The following EPHA6 variants were observed in gnomAD, a reference collection of about 807,000 sequenced individuals.
The protein encoded by EPHA6 is EPH receptor A6.
In EPHA6, 50 loss-of-function variants were observed where a neutral mutation model predicts 112.0. That is an observed-to-expected ratio of 0.45 (90% CI 0.36 to 0.56). The LOEUF is 0.56. Ranked by LOEUF, EPHA6 falls within the 20% of genes least tolerant of loss-of-function variation. The pLI is 0.00. For missense variants in EPHA6, 1,280 were observed against 1,417.4 expected (o/e 0.90, Z 1.56); for synonymous variants, 529 against 490.7 (o/e 1.08, Z -1.03).
rs149952465 is a variant in EPHA6, at chr3:97,259,452, C to T, written c.1606+15165C>T. Among the ~76,000 whole-genome samples the T allele has an allele frequency of 6.9e-3, 1,046 of 152,228 alleles. 17 individuals are homozygous for T. Among genetic ancestry groups the T allele is most frequent in the African/African-American group, 0.024 (1,002 of 41,542 alleles). ...AGTGATGTAGGTGTATTCTTCATTT[C>T]ATCACTTAATTCTATGATGCAATAC... On this transcript the variant is annotated intron_variant, in intron 5 of 17. Coordinates refer to ENST00000389672, the MANE Select transcript of EPHA6 (RefSeq NM_001080448.3).
intron 2 of EPHA6, among the ~76,000 whole-genome samples, chr3:96,945,396 C>G (rs956743746): frequency 6.6e-6 from 1 of 152,142 alleles, no homozygotes; most frequent in South Asian, 2.1e-4. Flanking sequence ...CAGGCAAATT[C>G]CATTATCAGC....
intron 3 of EPHA6, among the ~76,000 whole-genome samples, chr3:97,047,804 A>G (rs2045562261): frequency 2.6e-5 from 4 of 152,098 alleles, no homozygotes; most frequent in Admixed American, 2.0e-4. Flanking sequence ...TGCACTAAAA[A>G]CCATATCAAG....
intron 2 of EPHA6, among the ~76,000 whole-genome samples, chr3:96,890,737 A>G (rs1161565502): frequency 6.6e-6 from 1 of 152,230 alleles, no homozygotes; most frequent in Non-Finnish European, 1.5e-5. Flanking sequence ...AGTGAGTGTG[A>G]AAATTGGTAT....
chr3:97,350,824 G>GAA (rs59867594), intron 5 of EPHA6, among the ~76,000 whole-genome samples: 3 of 150,714 alleles, frequency 2.0e-5, no homozygotes, highest in East Asian at 1.9e-4. Context: ...AAGCCCTCAA[G>GAA]AAAAAAAAAT....
At chr3:96,981,540 T>G (rs2042780845) in intron 2 of EPHA6, among the ~76,000 whole-genome samples, 2 of 152,104 alleles carry the variant, frequency 1.3e-5, no homozygotes, top group African/African-American at 4.8e-5. Context: ...TCTGCGAGGC[T>G]TTAGTATCAA....
intron 5 of EPHA6, among the ~76,000 whole-genome samples, chr3:97,346,900 T>C (rs2083560745): frequency 6.6e-6 from 1 of 152,122 alleles, no homozygotes; most frequent in Admixed American, 6.6e-5. Flanking sequence ...TATCTTCTCT[T>C]GTGCCTTTAT....
At chr3:97,274,066 C>A (rs970854398) in intron 5 of EPHA6, among the ~76,000 whole-genome samples, 1 of 151,926 alleles carries the variant, frequency 6.6e-6, no homozygotes, top group Non-Finnish European at 1.5e-5. Flanking sequence ...CAGATTTCCA[C>A]GATGGAAAGG....
chr3:97,093,932 G>C (rs1383971729), intron 3 of EPHA6, among the ~76,000 whole-genome samples: 1 of 152,064 alleles, frequency 6.6e-6, no homozygotes, highest in Non-Finnish European at 1.5e-5. Context: ...TTCTGAGATT[G>C]AAAATGGCTC....
intron 7 of EPHA6, among the ~76,000 whole-genome samples, chr3:97,462,899 CG>C (rs1300768982): frequency 6.6e-6 from 1 of 152,082 alleles, no homozygotes; most frequent in Non-Finnish European, 1.5e-5. Context: ...ACCTTTGGCA[CG>C]TGCCTCTTTT....
intron 5 of EPHA6, among the ~76,000 whole-genome samples, chr3:97,252,650 TGG>T (rs368195907): frequency 4.2e-4 from 63 of 151,682 alleles, no homozygotes; most frequent in African/African-American, 1.5e-3. Flanking sequence ...TGGCTAAGAG[TGG>T]GGGAGTGTGC....
intron 7 of EPHA6, among the ~76,000 whole-genome samples, chr3:97,466,746 G>A (rs1328051266): frequency 6.6e-6 from 1 of 151,876 alleles, no homozygotes; most frequent in Non-Finnish European, 1.5e-5. Context: ...GTCAGTTTCA[G>A]TTTAAATTAT....
chr3:97,257,928 G>A (rs1428437518), intron 5 of EPHA6, among the ~76,000 whole-genome samples: 1 of 151,996 alleles, frequency 6.6e-6, no homozygotes, highest in Non-Finnish European at 1.5e-5. Context: ...TACACACATG[G>A]TCATAAGGAA....
chr3:96,918,755 A>C (rs1038959151), intron 2 of EPHA6, among the ~76,000 whole-genome samples: 17 of 152,010 alleles, frequency 1.1e-4, no homozygotes, highest in African/African-American at 4.1e-4. Context: ...GGTATGTGCT[A>C]GAAACTCTTT....
chr3:96,891,411 A>C (rs1287010223), intron 2 of EPHA6, among the ~76,000 whole-genome samples: 3 of 152,204 alleles, frequency 2.0e-5, no homozygotes, highest in Non-Finnish European at 4.4e-5. Context: ...TGAGGTCACG[A>C]TAAAGGTGAC....
intron 2 of EPHA6, among the ~76,000 whole-genome samples, chr3:96,912,798 C>A (rs2039284258): frequency 6.6e-6 from 1 of 151,932 alleles, no homozygotes; most frequent in South Asian, 2.1e-4. Context: ...CACTATGTTG[C>A]ACAGGCTGGT....
intron 13 of EPHA6, among the ~76,000 whole-genome samples, chr3:97,630,885 G>T (rs1024486141): frequency 6.6e-6 from 1 of 151,922 alleles, no homozygotes; most frequent in Admixed American, 6.6e-5. Context: ...ATCACATGTG[G>T]TAGCACTTCT....
intron 5 of EPHA6, among the ~76,000 whole-genome samples, chr3:97,399,796 T>C (rs2086887203): frequency 6.6e-6 from 1 of 151,726 alleles, no homozygotes; most frequent in Non-Finnish European, 1.5e-5. Context: ...TTTTTGTTGT[T>C]GTTGAGTGGT....
Position 97,226,439 on chromosome 3 carries a change from A to G in EPHA6, c.1270+20A>G, listed in dbSNP as rs200172139. The stretch of plus-strand genomic sequence containing the variant: ...GTACCAGTAAGTCTATACATTTTGG[A>G]TTTGGAAATTCTGTTTCCAACCCTT... On this transcript the variant is annotated intron_variant, in intron 4 of 17. Coordinates refer to ENST00000389672, the MANE Select transcript of EPHA6 (RefSeq NM_001080448.3). 5 of 1,580,364 alleles carry G rather than the reference A, an allele frequency of 3.2e-6. No individual in the cohort carries two copies. Among genetic ancestry groups the G allele is most frequent in the Admixed American group, 3.8e-5 (2 of 51,982 alleles).
chr3:97,293,258 A>G (rs1370719122), intron 5 of EPHA6, among the ~76,000 whole-genome samples: 1 of 151,214 alleles, frequency 6.6e-6, no homozygotes, highest in Non-Finnish European at 1.5e-5. Context: ...CTCAGCAAAG[A>G]GGACACTCAT....
Sources: gnomAD v4.1 joint callset for allele counts (sites outside exome capture counted in the v4.1 genomes callset) on GRCh38, gnomAD v4.1.1 for gene constraint, MANE v1.5 for transcripts, NCBI Gene and HGNC (gene_info 2026-07-23, HGNC 2026-07-21) for gene names.